UBIAD1: variants seen among roughly 807,000 people sequenced by gnomAD.
UBIAD1 encodes the protein ubiA prenyltransferase domain-containing protein 1.
In UBIAD1, 12 loss-of-function variants were observed where a neutral mutation model predicts 20.1. That is an observed-to-expected ratio of 0.60 (90% confidence interval 0.38 to 0.97). The LOEUF is 0.97. UBIAD1 is among the 50% of genes least tolerant of loss of function. The pLI, the probability that UBIAD1 is intolerant of heterozygous loss-of-function variation, is 0.00. For synonymous variants in UBIAD1, 207 were observed against 189.2 expected (o/e 1.09, Z -0.77); for missense variants, 333 against 419.5 (o/e 0.79, Z 1.80).
In UBIAD1 at chr1:11,274,001, T is replaced by C; in HGVS notation, c.470T>C (p.Leu157Pro). The stretch of plus-strand genomic sequence containing the variant: ...CTCTACTACCTGTCCCCTCTGAAAC[T>C]GGAGCACTTGGCTCTTATCTACTTT... ...ACLYYLSPLK[L>P]EHLALIYFGG... The change falls in exon 1 of 2, where the codon CTG becomes CCG. Residue 157 changes from leucine to proline, a missense_variant. This residue lies in a region of UBIAD1 where 226 missense variants were observed against 263.5 expected (regional missense o/e 0.86). Coordinates refer to ENST00000376810, the MANE Select transcript of UBIAD1 (RefSeq NM_013319.3). 1 of 1,614,224 alleles carries C rather than the reference T, an allele frequency of 6.2e-7. No homozygotes were observed. The highest frequency in any genetic ancestry group is 8.5e-7 in the Non-Finnish European group (1 of 1,180,042).
chr1:11,274,004 A>G lies in UBIAD1; in HGVS notation c.473A>G (p.Glu158Gly). The G allele has an allele frequency of 6.2e-7, 1 of 1,614,092 alleles. No individual in the cohort carries two copies. The highest frequency in any genetic ancestry group is 1.1e-5 in the South Asian group (1 of 91,070). Residue 158 changes from glutamate to glycine, a missense_variant, in exon 1 of 2, where the codon GAG (glutamate) becomes GGG (glycine). By Grantham distance (98) the Glu-to-Gly change is moderately conservative. Coordinates refer to ENST00000376810, the MANE Select transcript of UBIAD1 (RefSeq NM_013319.3). ...TACTACCTGTCCCCTCTGAAACTGGAGCACTTGGCTCTTATCTACTTTGGA... is the reference window on the plus strand; with the variant it reads ...TACTACCTGTCCCCTCTGAAACTGGGGCACTTGGCTCTTATCTACTTTGGA... ...CLYYLSPLKL[E>G]HLALIYFGGL...
chr1:11,278,743 G>A, intron 1 of UBIAD1: 1 of 673,416 alleles, frequency 1.5e-6, no homozygotes. Flanking sequence ...ACACTGGTGT[G>A]CTGCGGTCAT....
chr1:11,292,508 C>T (rs1638382636), downstream of UBIAD1, among the ~76,000 whole-genome samples: 1 of 152,068 alleles, frequency 6.6e-6, no homozygotes. Flanking sequence ...TTCAGTTGTT[C>T]TGTTATTACG....
chr1:11,282,689 A>C (rs1326425710), intron 1 of UBIAD1, among the ~76,000 whole-genome samples: 5 of 150,216 alleles, frequency 3.3e-5, no homozygotes, highest in Admixed American at 3.3e-4. Flanking sequence ...CAGCCTCCCG[A>C]GTAGCTGGGA....
rs1474014182 is a variant in UBIAD1 at position 11,273,458 on chromosome 1, C to T, written c.-74C>T. On this transcript the variant is annotated 5_prime_UTR_variant, in exon 1 of 2. Coordinates refer to ENST00000376810, the MANE Select transcript of UBIAD1 (RefSeq NM_013319.3). This position sits in a 1 kb window ranked among gnomAD's most constrained non-coding sequence, Gnocchi z 4.9. ...AAGGTCGGGCCCTGCTGCCCCGCCCCGTCCTTCCTCCTTCCCGGGCGGTCA... is the reference window on the plus strand; with the variant it reads ...AAGGTCGGGCCCTGCTGCCCCGCCCTGTCCTTCCTCCTTCCCGGGCGGTCA... 5.1e-6 allele frequency: 8 copies of T among 1,584,056 alleles called. No individual in the cohort carries two copies. Among genetic ancestry groups the T allele is most frequent in the Middle Eastern group, 2.3e-4 (1 of 4,392 alleles).
Position 11,273,289 on chromosome 1 carries a change from C to T in UBIAD1, c.-243C>T. On this transcript the variant is annotated 5_prime_UTR_variant, in exon 1 of 2. Transcript: ENST00000376810. This position sits in a 1 kb window ranked among gnomAD's most constrained non-coding sequence, Gnocchi z 4.9. ...CGCGGCTCAGCCGTGGGCTCTAACGCGGGGCTGGGGGCCGGAGACAGACTT... is the reference window on the plus strand; with the variant it reads ...CGCGGCTCAGCCGTGGGCTCTAACGTGGGGCTGGGGGCCGGAGACAGACTT... The T allele has an allele frequency of 1.8e-6, 1 of 565,774 alleles. No individual in the cohort carries two copies. Among genetic ancestry groups the T allele is most frequent in the Middle Eastern group, 4.8e-4 (1 of 2,088 alleles). 35.0% of individuals were successfully genotyped at this position (565,774 alleles called of 1,614,324 possible). A position where few individuals can be genotyped will look rare whatever the true frequency, so the allele number is the denominator to read the frequency against.
At chr1:11,276,572 G>A (rs1652036475) in intron 1 of UBIAD1, among the ~76,000 whole-genome samples, 2 of 151,560 alleles carry the variant, frequency 1.3e-5, no homozygotes, top group Admixed American at 1.3e-4. Flanking sequence ...GCTGAGGCAG[G>A]AGGATTGCTT....
Position 11,273,564 on chromosome 1 carries a change from T to A in UBIAD1, c.33T>A (p.Ile11=). The A allele has an allele frequency of 6.2e-7, 1 of 1,613,256 alleles. No homozygotes were observed. The highest frequency in any genetic ancestry group is 8.5e-7 in the Non-Finnish European group (1 of 1,180,020). MAASQVLGEK[I]NILSGETVKA... is the part of the protein sequence containing the mutation. ...CCTCTCAGGTCCTGGGGGAGAAGATTAACATCCTGTCGGGAGAGACTGTCA... is the reference window on the plus strand; with the variant it reads ...CCTCTCAGGTCCTGGGGGAGAAGATAAACATCCTGTCGGGAGAGACTGTCA... Residue 11 remains isoleucine (I), a synonymous_variant, in exon 1 of 2, where the codon ATT becomes ATA. Transcript: ENST00000376810. The surrounding 1 kb of genome is among the most constrained non-coding windows in gnomAD (Gnocchi z 4.9).
chr1:11,291,427 G>A (rs1247962946), downstream of UBIAD1, among the ~76,000 whole-genome samples: 1 of 149,960 alleles, frequency 6.7e-6, no homozygotes, highest in African/African-American at 2.4e-5. Context: ...GGCCAATATG[G>A]CAAAACCCTG....
intron 1 of UBIAD1, among the ~76,000 whole-genome samples, chr1:11,283,031 T>G (rs1174519520): frequency 6.6e-6 from 1 of 151,632 alleles, no homozygotes; most frequent in African/African-American, 2.4e-5. Flanking sequence ...CGGCTAATTT[T>G]TTGTATTTTT....
chr1:11,285,620 ACT>A lies in UBIAD1; in HGVS notation c.530-19_530-18del, dbSNP rs1638247840. 6 of 1,613,540 alleles carry A rather than the reference ACT, an allele frequency of 3.7e-6. No individual in the cohort carries two copies. The highest frequency in any genetic ancestry group is 4.2e-6 in the Non-Finnish European group (5 of 1,179,914). On this transcript the variant is annotated intron_variant, in intron 1 of 1. Transcript: ENST00000376810. This position sits in a 1 kb window ranked among gnomAD's most constrained non-coding sequence, Gnocchi z 4.4. ...AATTTCCAGCCTTGGTCTCACACCA[ACT>A]CTCTGGATTTTCTGGCCGCAGGAAT...
chr1:11,298,644 C>T (rs1474668417), downstream of UBIAD1, among the ~76,000 whole-genome samples: 2 of 152,054 alleles, frequency 1.3e-5, no homozygotes, highest in East Asian at 3.9e-4. The surrounding 1 kb of genome is among the most constrained non-coding windows in gnomAD (Gnocchi z 4.0). Flanking sequence ...TATGTGTGTA[C>T]ACTTATGGAC....
intron 1 of UBIAD1, among the ~76,000 whole-genome samples, chr1:11,275,066 G>A (rs567216213): frequency 6.6e-6 from 1 of 152,312 alleles, no homozygotes; most frequent in South Asian, 2.1e-4. Flanking sequence ...GGCTGATTAA[G>A]GTAGTGATGG....
At chr1:11,275,506 T>C (rs1033455771) in intron 1 of UBIAD1, among the ~76,000 whole-genome samples, 16 of 152,272 alleles carry the variant, frequency 1.1e-4, no homozygotes, top group Admixed American at 5.2e-4. Flanking sequence ...TTTGGGAGGC[T>C]GAAGCGAGAG....
chr1:11,285,679 A>G lies in UBIAD1; in HGVS notation c.565A>G (p.Ile189Val), dbSNP rs906156643. The G allele has an allele frequency of 6.2e-7, 1 of 1,614,104 alleles. No individual in the cohort carries two copies. The highest frequency in any genetic ancestry group is 1.1e-5 in the South Asian group (1 of 91,080). The change falls in exon 2 of 2, where the codon ATC becomes GTC. Residue 189 changes from isoleucine to valine, a missense_variant. Physicochemically the swap from Ile to Val is conservative, Grantham distance 29. Coordinates refer to ENST00000376810, the MANE Select transcript of UBIAD1 (RefSeq NM_013319.3). The surrounding 1 kb of genome is among the most constrained non-coding windows in gnomAD (Gnocchi z 4.4). ...GFKYVALGDL[I>V]ILITFGPLAV... ...CAAGTACGTGGCTCTGGGAGACCTCATCATCCTCATCACTTTTGGCCCGCT... is the reference window on the plus strand; with the variant it reads ...CAAGTACGTGGCTCTGGGAGACCTCGTCATCCTCATCACTTTTGGCCCGCT...
At chr1:11,280,349 C>T (rs1184472044) in intron 1 of UBIAD1, among the ~76,000 whole-genome samples, 1 of 152,132 alleles carries the variant, frequency 6.6e-6, no homozygotes, top group Non-Finnish European at 1.5e-5. Context: ...ACCAGTCCTA[C>T]TCCCCAACCT....
At chr1:11,283,109 G>T (rs1652298990) in intron 1 of UBIAD1, among the ~76,000 whole-genome samples, 2 of 152,106 alleles carry the variant, frequency 1.3e-5, no homozygotes, top group Non-Finnish European at 2.9e-5. Context: ...TGATCCACCT[G>T]CTTCAGCCTC....
chr1:11,291,156 G>A (rs1430633870), downstream of UBIAD1, among the ~76,000 whole-genome samples: 1 of 152,190 alleles, frequency 6.6e-6, no homozygotes, highest in Non-Finnish European at 1.5e-5. Flanking sequence ...GCCCATCCCT[G>A]TCATTCTTCT....
At chr1:11,296,631 C>A (rs1228121380), downstream of UBIAD1, among the ~76,000 whole-genome samples, 1 of 152,130 alleles carries the variant, frequency 6.6e-6, no homozygotes, top group Non-Finnish European at 1.5e-5. Context: ...GTGATCTTCC[C>A]ACCTCAGCCT....
Sources: gnomAD v4.1 joint callset for allele counts (sites outside exome capture counted in the v4.1 genomes callset) on GRCh38, gnomAD v4.1.1 for gene constraint, gnomAD v4.1.1 regional missense constraint, Gnocchi (gnomAD v3.1) non-coding constraint, MANE v1.5 for transcripts, NCBI Gene and HGNC (gene_info 2026-07-23, HGNC 2026-07-21) for gene names.